The following ATOSA variants were observed in gnomAD, a reference collection of about 807,000 sequenced individuals.
ATOSA encodes the protein atos homolog A.
the ATOSA span, chr15:52,587,628 C>A: frequency 6.6e-6 from 1 of 152,662 alleles, no homozygotes; most frequent in Non-Finnish European, 1.5e-5. Context: ...TAAGCCTTGG[C>A]CAAAAATAAA....
the ATOSA span, among the ~76,000 whole-genome samples, chr15:52,705,933 G>A: frequency 4.6e-5 from 7 of 152,264 alleles, no homozygotes; most frequent in East Asian, 1.3e-3. Context: ...TTGTTTCTGT[G>A]TGGTATTCCA....
chr15:52,663,830 C>G, the ATOSA span, among the ~76,000 whole-genome samples: 1 of 152,048 alleles, frequency 6.6e-6, no homozygotes, highest in Non-Finnish European at 1.5e-5. Flanking sequence ...CTCCCTATGT[C>G]ACCCAGGCTC....
the ATOSA span, among the ~76,000 whole-genome samples, chr15:52,675,138 A>G: frequency 5.9e-5 from 9 of 152,324 alleles, no homozygotes; most frequent in East Asian, 1.2e-3. Flanking sequence ...AAGTAATGTT[A>G]TATTATTGCT....
the ATOSA span, among the ~76,000 whole-genome samples, chr15:52,603,080 G>A: frequency 6.6e-6 from 1 of 152,152 alleles, no homozygotes; most frequent in Non-Finnish European, 1.5e-5. Context: ...GCAAGACGCT[G>A]AAAATTTCTT....
At chr15:52,634,707 T>C in the ATOSA span, among the ~76,000 whole-genome samples, 1 of 151,778 alleles carries the variant, frequency 6.6e-6, no homozygotes, top group Non-Finnish European at 1.5e-5. Flanking sequence ...GTTCAAGCAA[T>C]TCTCCTGCCT....
chr15:52,659,553 C>T, the ATOSA span, among the ~76,000 whole-genome samples: 2 of 152,100 alleles, frequency 1.3e-5, no homozygotes, highest in Non-Finnish European at 2.9e-5. Flanking sequence ...ACAAGCATCC[C>T]ATGTTGTCAA....
At chr15:52,621,149 A>C in the ATOSA span, among the ~76,000 whole-genome samples, 1 of 152,212 alleles carries the variant, frequency 6.6e-6, no homozygotes, top group South Asian at 2.1e-4. Flanking sequence ...GACTGGTTAA[A>C]TATACTGTGG....
chr15:52,689,435 A>T, the ATOSA span, among the ~76,000 whole-genome samples: 1 of 152,218 alleles, frequency 6.6e-6, no homozygotes, highest in Non-Finnish European at 1.5e-5. Flanking sequence ...CATAGCAAAG[A>T]TGTTATGAAG....
chr15:52,637,260 C>A, the ATOSA span, among the ~76,000 whole-genome samples: 1 of 151,970 alleles, frequency 6.6e-6, no homozygotes, highest in Non-Finnish European at 1.5e-5. Flanking sequence ...AAAAAGAAAT[C>A]TTCTGTTCTA....
the ATOSA span, among the ~76,000 whole-genome samples, chr15:52,653,998 G>A: frequency 6.6e-6 from 1 of 152,028 alleles, no homozygotes; most frequent in Non-Finnish European, 1.5e-5. Context: ...GAAGTTAAAG[G>A]AAATCAAATT....
chr15:52,652,119 A>G, the ATOSA span: 1 of 1,351,254 alleles, frequency 7.4e-7, no homozygotes, highest in Non-Finnish European at 9.6e-7. Context: ...GGGTGTGCTC[A>G]ACCTCCCCTG....
chr15:52,620,684 T>G, the ATOSA span, among the ~76,000 whole-genome samples: 1 of 152,146 alleles, frequency 6.6e-6, no homozygotes, highest in Non-Finnish European at 1.5e-5. Context: ...TGCAGTGGCT[T>G]ATGCCTGTAA....
the ATOSA span, among the ~76,000 whole-genome samples, chr15:52,708,717 C>A: frequency 2.6e-5 from 4 of 151,890 alleles, no homozygotes; most frequent in East Asian, 7.8e-4. Context: ...AAAACAAATT[C>A]TCCTCAGAGC....
At chr15:52,619,415 T>C in the ATOSA span, among the ~76,000 whole-genome samples, 6 of 152,198 alleles carry the variant, frequency 3.9e-5, no homozygotes, top group East Asian at 1.9e-4. Context: ...TTTGAGGACG[T>C]AGCTCACACT....
the ATOSA span, among the ~76,000 whole-genome samples, chr15:52,604,909 T>C: frequency 6.6e-6 from 1 of 152,194 alleles, no homozygotes; most frequent in African/African-American, 2.4e-5. Flanking sequence ...GGCAAAAGAA[T>C]TTCAGATAAA....
the ATOSA span, among the ~76,000 whole-genome samples, chr15:52,685,923 C>T: frequency 3.9e-5 from 6 of 152,050 alleles, no homozygotes; most frequent in East Asian, 1.9e-4. Flanking sequence ...GAGGAGTTCT[C>T]GCTATGTTGT....
chr15:52,674,987 A>T, the ATOSA span, among the ~76,000 whole-genome samples: 1 of 152,154 alleles, frequency 6.6e-6, no homozygotes, highest in Non-Finnish European at 1.5e-5. Flanking sequence ...AGTTGGAATT[A>T]TTCCCATTTT....
chr15:52,617,618 T>C, the ATOSA span, among the ~76,000 whole-genome samples: 6 of 151,982 alleles, frequency 3.9e-5, no homozygotes, highest in East Asian at 1.2e-3. Context: ...TTTTCAGAGA[T>C]ACCTATTGTT....
the ATOSA span, chr15:52,611,379 A>G: frequency 2.3e-6 from 3 of 1,300,060 alleles, no homozygotes; most frequent in East Asian, 2.4e-5. Context: ...GCATAGGAAT[A>G]CACTTACGAT....
Sources: allele counts gnomAD v4.1 joint callset (sites outside exome capture counted in the v4.1 genomes callset), GRCh38; gene constraint gnomAD v4.1.1; transcripts MANE v1.5; gene names NCBI Gene and HGNC (gene_info 2026-07-23, HGNC 2026-07-21).